CREBBP: variants seen among roughly 807,000 people sequenced by gnomAD.
The protein encoded by CREBBP is CREB binding lysine acetyltransferase, also known as CREB-binding protein.
CREBBP carries 19 observed loss-of-function variants against 265.0 expected under a neutral mutation model. The observed-to-expected ratio is 0.07, with a 90% confidence interval of 0.05 to 0.11. The LOEUF (loss-of-function observed/expected upper bound fraction) is 0.11, where lower values mean the gene tolerates loss of function less well. Ranked by LOEUF, CREBBP falls within the 10% of genes least tolerant of loss-of-function variation. The pLI is 1.00. For synonymous variants in CREBBP, 1,457 were observed against 1,223.7 expected (o/e 1.19, Z -3.98); for missense variants, 2,525 against 3,219.0 (o/e 0.78, Z 5.22).
intron 1 of CREBBP, among the ~76,000 whole-genome samples, chr16:3,861,875 CAAT>C (rs1160297423): frequency 6.6e-6 from 1 of 151,614 alleles, no homozygotes; most frequent in Admixed American, 6.6e-5. Context: ...TAGAACAGAA[CAAT>C]GAGGTTGTAC....
chr16:3,755,571 C>T (rs2052567248), intron 19 of CREBBP, among the ~76,000 whole-genome samples: 1 of 152,152 alleles, frequency 6.6e-6, no homozygotes, highest in Non-Finnish European at 1.5e-5. Context: ...GTCTGTATCA[C>T]AGACAAGGCT....
At chr16:3,736,303 T>A in intron 27 of CREBBP, 100 bp from the exon 28 acceptor site, 1 of 1,260,382 alleles carries the variant, frequency 7.9e-7, no homozygotes, top group Non-Finnish European at 1.2e-6. Context: ...CACCATGGTG[T>A]GGCAGAGTCC....
chr16:3,845,711 C>T (rs1008288219), intron 2 of CREBBP, among the ~76,000 whole-genome samples: 1 of 151,830 alleles, frequency 6.6e-6, no homozygotes, highest in Admixed American at 6.6e-5. Flanking sequence ...CATGGCAAAA[C>T]CCCGTCTCCA....
At chr16:3,732,890 G>A (rs930596975) in intron 28 of CREBBP, among the ~76,000 whole-genome samples, 18 of 152,136 alleles carry the variant, frequency 1.2e-4, no homozygotes, top group Admixed American at 6.5e-4. Flanking sequence ...AGTAGAGATG[G>A]GGTTTCACCA....
chr16:3,854,685 A>T (rs188526056), intron 1 of CREBBP, among the ~76,000 whole-genome samples: 1 of 152,190 alleles, frequency 6.6e-6, no homozygotes, highest in East Asian at 1.9e-4. Context: ...AGGCATTGGG[A>T]ATCTTTCTTC....
intron 2 of CREBBP, among the ~76,000 whole-genome samples, chr16:3,849,328 C>A (rs2054734781): frequency 6.6e-6 from 1 of 150,638 alleles, no homozygotes; most frequent in African/African-American, 2.5e-5. Flanking sequence ...AGCTGCAAGG[C>A]TGGTGGCTGC....
chr16:3,833,971 A>G (rs1426040122), intron 2 of CREBBP, among the ~76,000 whole-genome samples: 2 of 152,230 alleles, frequency 1.3e-5, no homozygotes, highest in Non-Finnish European at 2.9e-5. Context: ...AAAGACCTTA[A>G]CATACACCTC....
At chr16:3,744,116 A>G (rs1596821541) in intron 23 of CREBBP, among the ~76,000 whole-genome samples, 1 of 152,182 alleles carries the variant, frequency 6.6e-6, no homozygotes, top group East Asian at 1.9e-4. Context: ...AGTTACTTCT[A>G]GCAGTAACAG....
intron 2 of CREBBP, among the ~76,000 whole-genome samples, chr16:3,824,194 A>C (rs2141389701): frequency 6.6e-6 from 1 of 152,378 alleles, no homozygotes; most frequent in Non-Finnish European, 1.5e-5. Context: ...ACTGGGAGGC[A>C]AACAAGGGGG....
At chr16:3,801,956 T>C (rs1468007424) in intron 3 of CREBBP, among the ~76,000 whole-genome samples, 1 of 152,066 alleles carries the variant, frequency 6.6e-6, no homozygotes, top group African/African-American at 2.4e-5. Context: ...CAAAGCTCAC[T>C]GAGCCCACTC....
intron 2 of CREBBP, among the ~76,000 whole-genome samples, chr16:3,842,055 C>T (rs1241863415): frequency 2.6e-5 from 4 of 152,080 alleles, no homozygotes; most frequent in African/African-American, 7.2e-5. Flanking sequence ...AAATCAACCC[C>T]GGGGTTTTCT....
intron 2 of CREBBP, among the ~76,000 whole-genome samples, chr16:3,826,694 AAAAC>A (rs2054243491): frequency 1.3e-5 from 2 of 152,216 alleles, no homozygotes; most frequent in Non-Finnish European, 2.9e-5. Context: ...AAGGTCATTA[AAAAC>A]CAAGGAAAGG....
Position 3,725,841 on chromosome 16 carries a change from C to T in CREBBP, c.*1877G>A, listed in dbSNP as rs1162849898. The T allele has an allele frequency of 1.7e-5, 4 of 233,024 alleles. No homozygotes were observed. Among genetic ancestry groups the T allele is most frequent in the Non-Finnish European group, 3.4e-5 (4 of 118,000 alleles). 14.4% of individuals were successfully genotyped at this position (233,024 alleles called of 1,614,324 possible). ...CGTGATTTCTAAAATTACCATCACC[C>T]CCACCTAGACCAGCCTTTGTTGGGG... On this transcript the variant is annotated 3_prime_UTR_variant, in exon 31 of 31. Coordinates refer to ENST00000262367, the MANE Select transcript of CREBBP (RefSeq NM_004380.3).
At chr16:3,865,297 G>A (rs894454958) in intron 1 of CREBBP, among the ~76,000 whole-genome samples, 2 of 152,230 alleles carry the variant, frequency 1.3e-5, no homozygotes, top group African/African-American at 2.4e-5. Flanking sequence ...TTTGTGAGAA[G>A]ACAAGACTGG....
intron 2 of CREBBP, 67 bp downstream of exon 2, chr16:3,850,230 T>G: frequency 6.5e-7 from 1 of 1,539,722 alleles, no homozygotes; most frequent in Non-Finnish European, 9.0e-7. Context: ...GGTCCCATTT[T>G]ACGCATTACT....
At chr16:3,785,325 G>C (rs970327933) in intron 5 of CREBBP, among the ~76,000 whole-genome samples, 2 of 152,202 alleles carry the variant, frequency 1.3e-5, no homozygotes, top group South Asian at 2.1e-4. Flanking sequence ...GACTCAGTGA[G>C]TACACTCTGC....
chr16:3,769,963 C>G (rs915054501), intron 14 of CREBBP, among the ~76,000 whole-genome samples: 1 of 152,058 alleles, frequency 6.6e-6, no homozygotes, highest in African/African-American at 2.4e-5. Context: ...TTCTGCCTCC[C>G]AGGCTCAAGC....
chr16:3,780,006 C>T (rs1029036146), intron 8 of CREBBP, among the ~76,000 whole-genome samples: 3 of 152,072 alleles, frequency 2.0e-5, no homozygotes, highest in African/African-American at 7.2e-5. Flanking sequence ...CTTCGGGAGG[C>T]TGAGGTGGAC....
At chr16:3,879,517 C>T (rs1225329230) in intron 1 of CREBBP, among the ~76,000 whole-genome samples, 2 of 152,194 alleles carry the variant, frequency 1.3e-5, no homozygotes, top group Non-Finnish European at 2.9e-5. Flanking sequence ...CGGATGGATG[C>T]GTAGGACATT....
Sources: allele counts gnomAD v4.1 joint callset (sites outside exome capture counted in the v4.1 genomes callset), GRCh38; gene constraint gnomAD v4.1.1; transcripts MANE v1.5; gene names NCBI Gene and HGNC (gene_info 2026-07-23, HGNC 2026-07-21).